WNK1: variants seen among roughly 807,000 people sequenced by gnomAD.
WNK1 encodes the protein WNK lysine deficient protein kinase 1, also known as serine/threonine-protein kinase WNK1.
In WNK1, 38 loss-of-function variants were observed where a neutral mutation model predicts 222.8. The observed-to-expected ratio is 0.17, with a 90% confidence interval of 0.13 to 0.22. The LOEUF is 0.22. WNK1 is among the 10% of genes least tolerant of loss of function. The pLI is 1.00. For missense variants in WNK1, 2,348 were observed against 2,918.4 expected (o/e 0.80, Z 4.50); for synonymous variants, 1,090 against 1,092.9 (o/e 1.00, Z 0.05).
At position 909,005 on chromosome 12, in the gene WNK1, A is replaced by G. The variant is rs967051374; in HGVS notation, c.*213A>G. On this transcript the variant is annotated 3_prime_UTR_variant, in exon 28 of 28. Transcript: ENST00000315939. ...TGGAATGGGAGAGGAAGGAAAGAAC[A>G]GCTTTTTTGTCAAGGGGCAGCTTCA... is the stretch of plus-strand genomic sequence containing the variant. 1 of 615,444 alleles carries G rather than the reference A, an allele frequency of 1.6e-6. No individual in the cohort carries two copies. The highest frequency in any genetic ancestry group is 1.8e-5 in the African/African-American group (1 of 54,200). 38.1% of individuals were successfully genotyped at this position (615,444 alleles called of 1,614,324 possible).
intron 1 of WNK1, among the ~76,000 whole-genome samples, chr12:768,231 G>A (rs1202921170): frequency 6.6e-6 from 1 of 152,138 alleles, no homozygotes; most frequent in African/African-American, 2.4e-5. Flanking sequence ...CATCTCCCGG[G>A]TTCAGGCAAT....
chr12:893,456 A>G (rs1192933824), intron 22 of WNK1, among the ~76,000 whole-genome samples: 1 of 152,220 alleles, frequency 6.6e-6, no homozygotes, highest in Non-Finnish European at 1.5e-5. Context: ...TACTAGCTGT[A>G]TAAAATAAAT....
Position 896,089 on chromosome 12 carries a change from G to A in WNK1, c.5602G>A (p.Gly1868Ser), listed in dbSNP as rs766436838. 4.3e-6 allele frequency: 7 copies of A among 1,614,120 alleles called. No individual in the cohort carries two copies. Among genetic ancestry groups the A allele is most frequent in the East Asian group, 2.2e-5 (1 of 44,882 alleles). ...GRFQVSVAAD[G>S]AQKEGKNKSE... ...TTATCAGGTTTCTGTTGCAGCAGAC[G>A]GTGCCCAGAAAGAGGGTAAAAATAA... The change falls in exon 24 of 28, where the codon GGT becomes AGT. Residue 1868 changes from glycine (G) to serine (S), a missense_variant. By Grantham distance (56) the Gly-to-Ser change is moderately conservative (BLOSUM62 0). Transcript: ENST00000315939.
intron 8 of WNK1, among the ~76,000 whole-genome samples, chr12:863,393 TTCTG>T (rs1951365587): frequency 1.3e-5 from 2 of 152,140 alleles, no homozygotes; most frequent in South Asian, 4.1e-4. Context: ...ACAATCTACT[TTCTG>T]TCTTTAAAAT....
chr12:894,534 G>C, intron 22 of WNK1, 28 bp from the exon 23 acceptor site: 2 of 1,589,900 alleles, frequency 1.3e-6, no homozygotes, highest in South Asian at 1.1e-5. Flanking sequence ...AGACACTTAT[G>C]TTTTCCTCAT....
At chr12:776,222 A>G (rs891958218) in intron 1 of WNK1, among the ~76,000 whole-genome samples, 2 of 151,288 alleles carry the variant, frequency 1.3e-5, no homozygotes, top group Non-Finnish European at 2.9e-5. Context: ...TTTTGTAGAG[A>G]TGGGGTCAAG....
At chr12:757,333 T>A (rs7963878) in intron 1 of WNK1, among the ~76,000 whole-genome samples, 8,959 of 71,806 alleles carry the variant, frequency 0.12, 765 homozygotes, top group African/African-American at 0.16. Context: ...TTTTTTTTTT[T>A]AAAAAAAAAA....
In WNK1 at chr12:908,861, G is replaced by GGGGGGGGGGCCCA; in HGVS notation, c.*69_*70insGGGGGGGGGCCCA. ...ATGCTGAGGGGGTGGGTGGGGGTGG[G>GGGGGGGGGGCCCA]AAGTAGCCTATATACTAACTACTAG... On this transcript the variant is annotated 3_prime_UTR_variant, in exon 28 of 28. Transcript: ENST00000315939. The GGGGGGGGGGCCCA allele has an allele frequency of 4.1e-6, 2 of 491,844 alleles. No individual in the cohort carries two copies. Among genetic ancestry groups the GGGGGGGGGGCCCA allele is most frequent in the Non-Finnish European group, 8.3e-6 (2 of 241,770 alleles). The allele number at this position is 491,844 out of a possible 1,614,324, so 30.5% of individuals were successfully genotyped here.
rs891587486 is a variant in WNK1, at chr12:884,478, T to C, written c.3845-171T>C. On this transcript the variant is annotated intron_variant, in intron 18 of 27. Transcript: ENST00000315939. This position sits in a 1 kb window ranked among gnomAD's most constrained non-coding sequence, Gnocchi z 5.6. ...CAAGATATAGTCTGTATAATAGATA[T>C]TGTAGTATGTGTTTATTTCTGCACT... Among the ~76,000 whole-genome samples the C allele has an allele frequency of 8.5e-5, 13 of 152,200 alleles. No individual in the cohort carries two copies. Among genetic ancestry groups the C allele is most frequent in the Non-Finnish European group, 1.9e-4 (13 of 68,038 alleles).
At position 908,858 on chromosome 12, in the gene WNK1, T is replaced by TGGGGGGGGGGGGG; in HGVS notation, c.*69_*70insGGGGGGGGGGGGG. 3.4e-6 allele frequency: 1 copy of TGGGGGGGGGGGGG among 290,202 alleles called. No individual in the cohort carries two copies. Among genetic ancestry groups the TGGGGGGGGGGGGG allele is most frequent in the Non-Finnish European group, 7.0e-6 (1 of 143,658 alleles). The allele number at this position is 290,202 out of a possible 1,614,324, so 18.0% of individuals were successfully genotyped here. On this transcript the variant is annotated 3_prime_UTR_variant, in exon 28 of 28. Coordinates refer to ENST00000315939, the MANE Select transcript of WNK1 (RefSeq NM_018979.4). ...GGAATGCTGAGGGGGTGGGTGGGGG[T>TGGGGGGGGGGGGG]GGGAAGTAGCCTATATACTAACTAC...
intron 2 of WNK1, among the ~76,000 whole-genome samples, chr12:822,090 T>C (rs1947935902): frequency 2.3e-5 from 3 of 131,314 alleles, no homozygotes; most frequent in African/African-American, 8.9e-5. Context: ...CTTATACCTT[T>C]TTTTTTTTTT....
chr12:835,635 T>TA (rs879538540), intron 4 of WNK1, among the ~76,000 whole-genome samples: 2,103 of 146,124 alleles, frequency 0.014, 40 homozygotes, highest in African/African-American at 0.043. Context: ...TCAGTTTTGT[T>TA]AAAAAAAAAA....
intron 1 of WNK1, among the ~76,000 whole-genome samples, chr12:804,027 A>G (rs1946121160): frequency 6.6e-6 from 1 of 152,230 alleles, no homozygotes; most frequent in Non-Finnish European, 1.5e-5. Flanking sequence ...AAGAAAATGT[A>G]AAATTTTAAA....
At chr12:856,199 G>A (rs954446421) in intron 4 of WNK1, among the ~76,000 whole-genome samples, 2 of 151,752 alleles carry the variant, frequency 1.3e-5, no homozygotes, top group African/African-American at 4.8e-5. Flanking sequence ...TGTAATCCCG[G>A]CACTTTGGGA....
intron 26 of WNK1, chr12:901,567 C>T (rs1170076323): frequency 7.0e-6 from 9 of 1,288,870 alleles, no homozygotes; most frequent in Admixed American, 2.3e-5. Context: ...ACAGGCTGTG[C>T]GAAGTTTAAC....
intron 26 of WNK1, 51 bp downstream of exon 26, chr12:900,721 A>G (rs769089027): frequency 2.5e-6 from 4 of 1,610,042 alleles, no homozygotes; most frequent in South Asian, 1.1e-5. Flanking sequence ...AGATGTTGCC[A>G]TACCTGGGAC....
At chr12:868,158 G>C (rs1381499821) in intron 8 of WNK1, 2 of 1,613,904 alleles carry the variant, frequency 1.2e-6, no homozygotes, top group Non-Finnish European at 8.5e-7. Flanking sequence ...AGAGTAACTG[G>C]AGAGTCATGT....
Position 868,738 on chromosome 12 carries a change from G to A in WNK1, c.2140-2527G>A, listed in dbSNP as rs374001403. On this transcript the variant is annotated intron_variant, in intron 8 of 27. Coordinates refer to ENST00000315939, the MANE Select transcript of WNK1 (RefSeq NM_018979.4). ...CAGTGGACTTGAATCAAGAAGAACT[G>A]CCTCCTCAATCAGTTGGATTACATG... The A allele has an allele frequency of 5.0e-6, 8 of 1,613,820 alleles. No individual in the cohort carries two copies. In the African/African-American group the frequency reaches 1.1e-4, roughly 22 times the overall value.
intron 27 of WNK1, 192 bp downstream of exon 27, chr12:908,226 C>A: frequency 1.2e-6 from 1 of 838,580 alleles, no homozygotes. Context: ...TGTTGGTCAG[C>A]TCAACTTTTT....
Sources: gnomAD v4.1 joint callset for allele counts (sites outside exome capture counted in the v4.1 genomes callset) on GRCh38, gnomAD v4.1.1 for gene constraint, Gnocchi (gnomAD v3.1) non-coding constraint, MANE v1.5 for transcripts, NCBI Gene and HGNC (gene_info 2026-07-23, HGNC 2026-07-21) for gene names.